TNR: variants seen among roughly 807,000 people sequenced by gnomAD.
TNR encodes tenascin-R.
A neutral mutation model predicts 150.4 loss-of-function variants in TNR; 45 were observed. That is an observed-to-expected ratio of 0.30 (90% CI 0.24 to 0.38). TNR has a LOEUF of 0.38. Ranked by LOEUF, TNR falls within the 10% of genes least tolerant of loss-of-function variation. TNR has a pLI of 1.00. For missense variants in TNR, 1,544 were observed against 1,759.1 expected, an observed-to-expected ratio of 0.88 and a Z score of 2.19; for synonymous variants, 687 against 678.4, an observed-to-expected ratio of 1.01 and a Z score of -0.20.
At chr1:175,542,285 A>C (rs1314023795) in intron 1 of TNR, among the ~76,000 whole-genome samples, 1 of 152,136 alleles carries the variant, frequency 6.6e-6, no homozygotes, top group Non-Finnish European at 1.5e-5. Flanking sequence ...TTTATTTGTA[A>C]GTGTAAGCTT....
intron 1 of TNR, among the ~76,000 whole-genome samples, chr1:175,643,175 C>A (rs1388050130): frequency 1.3e-5 from 2 of 152,166 alleles, no homozygotes; most frequent in African/African-American, 4.8e-5. Context: ...TCCTGGCCTG[C>A]ACCTCTTTTC....
At position 175,322,009 on chromosome 1, in the gene TNR, C is replaced by T. The variant is rs115978935; in HGVS notation, c.*1348G>A. On this transcript the variant is annotated 3_prime_UTR_variant, in exon 23 of 23. Transcript: ENST00000367674. ...GCTTGGGTGAAGATAGATATGAGGCCTTCGGTTTGCAATTCAGAAAAAAAG... is the reference window on the plus strand; with the variant it reads ...GCTTGGGTGAAGATAGATATGAGGCTTTCGGTTTGCAATTCAGAAAAAAAG... The T allele has an allele frequency of 0.01, 1,576 of 152,292 alleles. 15 individuals carry two copies. Among genetic ancestry groups the T allele is most frequent in the African/African-American group, 0.021 (870 of 41,556 alleles). 9.4% of individuals were successfully genotyped at this position (152,292 alleles called of 1,614,324 possible).
At chr1:175,464,048 T>A (rs1256500335) in intron 2 of TNR, among the ~76,000 whole-genome samples, 12 of 152,268 alleles carry the variant, frequency 7.9e-5, no homozygotes, top group Admixed American at 7.8e-4. Flanking sequence ...ATAAGCTTGT[T>A]AATACTGAAG....
At chr1:175,357,219 G>C in intron 15 of TNR, among the ~76,000 whole-genome samples, 1 of 152,150 alleles carries the variant, frequency 6.6e-6, no homozygotes, top group South Asian at 2.1e-4. Context: ...TTTTGAACTT[G>C]GATTCTATTG....
intron 1 of TNR, among the ~76,000 whole-genome samples, chr1:175,595,224 A>G (rs1452611015): frequency 2.0e-5 from 3 of 152,224 alleles, no homozygotes; most frequent in Non-Finnish European, 4.4e-5. Flanking sequence ...ACATTTGGTG[A>G]TTGCCAGCTA....
At chr1:175,473,190 T>C (rs1450630363) in intron 2 of TNR, among the ~76,000 whole-genome samples, 2 of 152,172 alleles carry the variant, frequency 1.3e-5, no homozygotes, top group East Asian at 1.9e-4. Flanking sequence ...GACTCCATCT[T>C]AGGCAGTAGC....
intron 1 of TNR, among the ~76,000 whole-genome samples, chr1:175,549,563 T>G (rs1348563652): frequency 6.6e-6 from 1 of 152,172 alleles, no homozygotes; most frequent in African/African-American, 2.4e-5. Flanking sequence ...ATGACACAGT[T>G]TGGTGTTAAG....
intron 1 of TNR, among the ~76,000 whole-genome samples, chr1:175,741,374 T>A (rs1419846001): frequency 6.6e-6 from 1 of 152,224 alleles, no homozygotes; most frequent in Non-Finnish European, 1.5e-5. Context: ...TAATGACTAC[T>A]AAGTATGGTG....
At chr1:175,529,203 T>C (rs1318270772) in intron 1 of TNR, among the ~76,000 whole-genome samples, 2 of 152,146 alleles carry the variant, frequency 1.3e-5, no homozygotes, top group African/African-American at 4.8e-5. Flanking sequence ...CTAAGCCTTC[T>C]CCAAATGGGA....
At chr1:175,476,856 C>T (rs183507602) in intron 2 of TNR, among the ~76,000 whole-genome samples, 5 of 152,268 alleles carry the variant, frequency 3.3e-5, no homozygotes, top group African/African-American at 1.2e-4. Context: ...GGGCAGCAAA[C>T]TCATAACTAT....
intron 1 of TNR, among the ~76,000 whole-genome samples, chr1:175,535,868 C>T (rs908292573): frequency 6.6e-6 from 1 of 152,144 alleles, no homozygotes; most frequent in Non-Finnish European, 1.5e-5. Context: ...TTAATTTCAT[C>T]AACCTCTAGC....
Position 175,362,817 on chromosome 1 carries a change from A to G in TNR, c.2708-8T>C. The G allele has an allele frequency of 6.2e-7, 1 of 1,613,940 alleles. No individual in the cohort carries two copies. Among genetic ancestry groups the G allele is most frequent in the Non-Finnish European group, 8.5e-7 (1 of 1,179,842 alleles). ...AGCTGTCTAGTCGTCCCACTGGAGA[A>G]GAGAAGAATCTACAGTTAAAATTCA... On this transcript the variant is annotated splice_polypyrimidine_tract_variant and splice_region_variant and intron_variant, in intron 13 of 22. Coordinates refer to ENST00000367674, the MANE Select transcript of TNR (RefSeq NM_003285.3).
At chr1:175,479,290 A>T (rs559913368) in intron 2 of TNR, among the ~76,000 whole-genome samples, 1 of 152,282 alleles carries the variant, frequency 6.6e-6, no homozygotes, top group East Asian at 1.9e-4. Flanking sequence ...GCAATTTGGG[A>T]CAACTATTTT....
intron 1 of TNR, among the ~76,000 whole-genome samples, chr1:175,555,615 C>T (rs557905600): frequency 1.3e-5 from 2 of 151,860 alleles, no homozygotes; most frequent in Admixed American, 6.5e-5. Flanking sequence ...AACTGAAACA[C>T]ACCATGAGCT....
intron 2 of TNR, among the ~76,000 whole-genome samples, chr1:175,451,218 A>ATTTTTTTTTTTT (rs1402508268): frequency 6.5e-5 from 6 of 92,472 alleles, no homozygotes; most frequent in East Asian, 5.3e-4. Flanking sequence ...TTTTTTTTTA[A>ATTTTTTTTTTTT]TGTTTTTATT....
chr1:175,653,768 C>G (rs115986330), intron 1 of TNR, among the ~76,000 whole-genome samples: 290 of 152,310 alleles, frequency 1.9e-3, no homozygotes, highest in African/African-American at 6.8e-3. Flanking sequence ...TTGTTATTCA[C>G]TTTCTAAGCA....
chr1:175,678,090 G>T (rs542269452), intron 1 of TNR, among the ~76,000 whole-genome samples: 5 of 152,240 alleles, frequency 3.3e-5, no homozygotes, highest in Admixed American at 3.3e-4. Flanking sequence ...CCTGTGATTG[G>T]GTTATATCAT....
chr1:175,371,052 A>G (rs923965673), intron 9 of TNR, among the ~76,000 whole-genome samples: 6 of 143,204 alleles, frequency 4.2e-5, no homozygotes, highest in Non-Finnish European at 9.1e-5. Flanking sequence ...CCAGCAGGTT[A>G]GACACAGTTC....
intron 1 of TNR, among the ~76,000 whole-genome samples, chr1:175,561,956 T>C (rs113702499): frequency 1.3e-5 from 2 of 152,260 alleles, no homozygotes; most frequent in African/African-American, 4.8e-5. Flanking sequence ...TCCTCACATA[T>C]CACAAGCTCT....
Sources: allele counts gnomAD v4.1 joint callset (sites outside exome capture counted in the v4.1 genomes callset), GRCh38; gene constraint gnomAD v4.1.1; transcripts MANE v1.5; gene names NCBI Gene and HGNC (gene_info 2026-07-23, HGNC 2026-07-21).